The following NEK6 variants were observed in gnomAD, a reference collection of about 807,000 sequenced individuals.
NEK6 encodes serine/threonine-protein kinase Nek6.
A neutral mutation model predicts 43.5 loss-of-function variants in NEK6; 27 were observed. The observed-to-expected ratio is 0.62, with a 90% CI of 0.46 to 0.86. The LOEUF (loss-of-function observed/expected upper bound fraction) is 0.86, where lower values mean the gene tolerates loss of function less well. NEK6 is among the 40% of genes least tolerant of loss of function. The probability of loss-of-function intolerance (pLI) is 0.00; values close to 1 mark genes in which losing one functional copy is unlikely to be tolerated. For missense variants in NEK6, 318 were observed against 414.4 expected, an observed-to-expected ratio of 0.77 and a Z score of 2.02; for synonymous variants, 167 against 164.1, an observed-to-expected ratio of 1.02 and a Z score of -0.14.
chr9:124,278,053 T>G (rs1831719647), intron 1 of NEK6, among the ~76,000 whole-genome samples: 1 of 152,224 alleles, frequency 6.6e-6, no homozygotes, highest in Non-Finnish European at 1.5e-5. Flanking sequence ...GTGACGTTGG[T>G]CCCATAAGAT....
intron 2 of NEK6, among the ~76,000 whole-genome samples, chr9:124,308,757 T>G (rs1337093231): frequency 6.6e-6 from 1 of 152,084 alleles, no homozygotes; most frequent in Non-Finnish European, 1.5e-5. Flanking sequence ...CGCACTGTTC[T>G]GGGGCCAGCC....
intron 4 of NEK6, among the ~76,000 whole-genome samples, chr9:124,317,504 C>T (rs1176296397): frequency 1.3e-5 from 2 of 152,226 alleles, no homozygotes; most frequent in East Asian, 1.9e-4. Flanking sequence ...TGAGCCACCA[C>T]GTCTGGCCCA....
chr9:124,263,418 T>C (rs1033528799), intron 1 of NEK6, among the ~76,000 whole-genome samples: 1 of 152,226 alleles, frequency 6.6e-6, no homozygotes, highest in Non-Finnish European at 1.5e-5. Flanking sequence ...CTGCCTCTCA[T>C]GAGCACGTCG....
At chr9:124,268,685 A>C (rs1831314824) in intron 1 of NEK6, among the ~76,000 whole-genome samples, 1 of 152,204 alleles carries the variant, frequency 6.6e-6, no homozygotes, top group Non-Finnish European at 1.5e-5. Context: ...TGCCCCAGGA[A>C]CCGACGTGAG....
At chr9:124,264,002 C>G (rs180677180) in intron 1 of NEK6, among the ~76,000 whole-genome samples, 3 of 152,206 alleles carry the variant, frequency 2.0e-5, no homozygotes, top group Admixed American at 6.5e-5. Flanking sequence ...GCGTCGGCCC[C>G]GCAGAGGACT....
chr9:124,338,117 A>G (rs564058366), intron 7 of NEK6, among the ~76,000 whole-genome samples: 1 of 152,288 alleles, frequency 6.6e-6, no homozygotes, highest in Admixed American at 6.5e-5. Context: ...AGTAGCTGGG[A>G]TGACAGGTGT....
intron 1 of NEK6, chr9:124,292,641 T>C: frequency 7.0e-7 from 1 of 1,437,026 alleles, no homozygotes; most frequent in Non-Finnish European, 9.4e-7. Flanking sequence ...GGTTCTGCTC[T>C]GAAATCCATC....
At position 124,351,939 on chromosome 9, in the gene NEK6, C is replaced by G. The variant is rs1830297563; in HGVS notation, c.*992C>G. The G allele has an allele frequency of 6.6e-6, 1 of 152,580 alleles. No homozygotes were observed. Among genetic ancestry groups the G allele is most frequent in the Non-Finnish European group, 1.5e-5 (1 of 68,028 alleles). The allele number at this position is 152,580 out of a possible 1,614,324, so 9.5% of individuals were successfully genotyped here. On this transcript the variant is annotated 3_prime_UTR_variant, in exon 10 of 10. Transcript: ENST00000320246. Reference sequence around the variant, plus strand: ...TGATCCAAAAATGGTAGCCACTCACCCTTCACAAACTGAAGTCCATGGACC... The same window carrying G: ...TGATCCAAAAATGGTAGCCACTCACGCTTCACAAACTGAAGTCCATGGACC...
In NEK6 at chr9:124,337,580, G is replaced by A. The variant is rs551696660; in HGVS notation, c.623-1991G>A. The stretch of plus-strand genomic sequence containing the variant: ...GTCCATGAGCTGCATTCATTTTGTC[G>A]TGTATAACTGAGATTTGTTCTTTTG... On this transcript the variant is annotated intron_variant, in intron 7 of 9. Transcript: ENST00000320246. Among the ~76,000 whole-genome samples the A allele has an allele frequency of 2.1e-4, 32 of 152,270 alleles. No individual in the cohort carries two copies. In the South Asian group the frequency reaches 5.2e-3, roughly 25 times the overall value.
At chr9:124,257,774 G>A (rs1401385388), upstream of NEK6, 9 of 1,479,292 alleles carry the variant, frequency 6.1e-6, no homozygotes, top group Admixed American at 2.2e-5. Context: ...GGGTTCCTCG[G>A]CCGAGCGGAT....
chr9:124,310,755 C>T (rs1833489170), intron 2 of NEK6, among the ~76,000 whole-genome samples: 1 of 152,120 alleles, frequency 6.6e-6, no homozygotes, highest in South Asian at 2.1e-4. Context: ...CCCACCACCA[C>T]ACCCGGCTAA....
chr9:124,267,131 G>A (rs1199086364), intron 1 of NEK6, among the ~76,000 whole-genome samples: 1 of 152,254 alleles, frequency 6.6e-6, no homozygotes, highest in Non-Finnish European at 1.5e-5. Context: ...GGCTAACCAA[G>A]CCACCTCTGA....
intron 1 of NEK6, among the ~76,000 whole-genome samples, chr9:124,278,565 C>T (rs1050923506): frequency 6.6e-6 from 1 of 152,196 alleles, no homozygotes; most frequent in African/African-American, 2.4e-5. Context: ...CTGGGTTCTG[C>T]CCGCCAACAG....
intron 8 of NEK6, among the ~76,000 whole-genome samples, chr9:124,345,489 A>G (rs1829871524): frequency 6.6e-6 from 1 of 152,228 alleles, no homozygotes; most frequent in Non-Finnish European, 1.5e-5. Context: ...AAAGTGCTGG[A>G]AAGAGCAGAG....
intron 7 of NEK6, among the ~76,000 whole-genome samples, chr9:124,330,833 G>A (rs1386571178): frequency 6.6e-6 from 1 of 152,174 alleles, no homozygotes; most frequent in East Asian, 1.9e-4. Context: ...GGGGCTCTGT[G>A]ATTCTATACA....
At chr9:124,262,659 G>GCCATGGGA (rs1831080205) in intron 1 of NEK6, among the ~76,000 whole-genome samples, 1 of 152,250 alleles carries the variant, frequency 6.6e-6, no homozygotes, top group Non-Finnish European at 1.5e-5. Context: ...GAGTGGGGGG[G>GCCATGGGA]CCATGGGAAT....
chr9:124,303,778 G>A (rs1307488727), intron 2 of NEK6, among the ~76,000 whole-genome samples: 2 of 152,206 alleles, frequency 1.3e-5, no homozygotes, highest in South Asian at 4.1e-4. Context: ...GATGGCTGGG[G>A]GCAGCAGGGC....
At chr9:124,312,762 G>A in intron 3 of NEK6, 113 bp downstream of exon 3, 2 of 1,074,236 alleles carry the variant, frequency 1.9e-6, no homozygotes, top group African/African-American at 1.6e-5. Context: ...GAGGGAAACA[G>A]CACTCAACTC....
intron 1 of NEK6, among the ~76,000 whole-genome samples, chr9:124,295,400 T>C (rs1832638505): frequency 6.6e-6 from 1 of 152,166 alleles, no homozygotes; most frequent in Non-Finnish European, 1.5e-5. Flanking sequence ...CAACGTCTGC[T>C]TATCCTGAGA....
Sources: gnomAD v4.1 joint callset for allele counts (sites outside exome capture counted in the v4.1 genomes callset) on GRCh38, gnomAD v4.1.1 for gene constraint, MANE v1.5 for transcripts, NCBI Gene and HGNC (gene_info 2026-07-23, HGNC 2026-07-21) for gene names.